The following ASXL2 variants were observed in gnomAD, a reference collection of about 807,000 sequenced individuals.
ASXL2 encodes ASXL transcriptional regulator 2, also known as putative Polycomb group protein ASXL2.
A neutral mutation model predicts 122.0 loss-of-function variants in ASXL2; 23 were observed. That is an observed-to-expected ratio of 0.19 (90% CI 0.14 to 0.27). The LOEUF (loss-of-function observed/expected upper bound fraction) is 0.27. Ranked by LOEUF, ASXL2 falls within the 10% of genes least tolerant of loss-of-function variation. ASXL2 has a pLI of 1.00. For missense variants in ASXL2, 1,518 were observed against 1,713.8 expected (o/e 0.89, Z 2.02); for synonymous variants, 650 against 637.0 (o/e 1.02, Z -0.31).
At chr2:25,844,733 G>A (rs752614540) in intron 2 of ASXL2, among the ~76,000 whole-genome samples, 1 of 151,032 alleles carries the variant, frequency 6.6e-6, no homozygotes, top group Non-Finnish European at 1.5e-5. Context: ...CTGCAGCCTC[G>A]AACTCCTGGA....
intron 5 of ASXL2, among the ~76,000 whole-genome samples, chr2:25,772,101 T>C (rs1574407927): frequency 6.6e-6 from 1 of 152,328 alleles, no homozygotes; most frequent in African/African-American, 2.4e-5. Context: ...ACTCTCTACT[T>C]CATCACTAGC....
At chr2:25,756,486 A>G (rs2088138391) in intron 9 of ASXL2, among the ~76,000 whole-genome samples, 1 of 151,672 alleles carries the variant, frequency 6.6e-6, no homozygotes, top group African/African-American at 2.4e-5. Flanking sequence ...GAAAAAAAAA[A>G]AAGAAGGATG....
At chr2:25,833,326 T>C (rs191279588) in intron 3 of ASXL2, among the ~76,000 whole-genome samples, 15 of 152,360 alleles carry the variant, frequency 9.8e-5, no homozygotes, top group African/African-American at 3.6e-4. Context: ...TGTTGTACTT[T>C]AATTTTCTAT....
chr2:25,768,766 T>G lies in ASXL2; in HGVS notation c.607A>C (p.Ser203Arg). 1 of 1,613,832 alleles carries G rather than the reference T, an allele frequency of 6.2e-7. No homozygotes were observed. The highest frequency in any genetic ancestry group is 8.5e-7 in the Non-Finnish European group (1 of 1,179,770). The change falls in exon 7 of 13, where the codon AGT (serine) becomes CGT (arginine). Residue 203 changes from serine to arginine, a missense_variant. Physicochemically the swap from Ser to Arg is moderately radical, Grantham distance 110. This residue lies in a region of ASXL2 where 198 missense variants were observed against 209.0 expected (regional missense o/e 0.95). Transcript: ENST00000435504. ...HLSLKTVKAA[S>R]DSVPAKPATW... Reference sequence around the variant, plus strand: ...CCAGGTTTGGCAGGTACAGAGTCACTGGCTGCTTTGACAGTCTTTAGTGAG... The same window carrying G: ...CCAGGTTTGGCAGGTACAGAGTCACGGGCTGCTTTGACAGTCTTTAGTGAG...
intron 2 of ASXL2, among the ~76,000 whole-genome samples, chr2:25,842,194 A>G (rs2089590932): frequency 6.6e-6 from 1 of 152,152 alleles, no homozygotes; most frequent in Admixed American, 6.5e-5. Flanking sequence ...AAGACCAGTA[A>G]GTCAACCAAA....
At chr2:25,863,418 C>A (rs553212905) in intron 1 of ASXL2, among the ~76,000 whole-genome samples, 2 of 152,006 alleles carry the variant, frequency 1.3e-5, no homozygotes, top group East Asian at 1.9e-4. Flanking sequence ...AGGGGCCAGG[C>A]ACAGTGGCTC....
chr2:25,778,786 A>G (rs1232965969), intron 5 of ASXL2, among the ~76,000 whole-genome samples: 2 of 152,202 alleles, frequency 1.3e-5, no homozygotes, highest in Non-Finnish European at 2.9e-5. Context: ...AAGTTGTCCC[A>G]GGCAAATCTT....
chr2:25,777,605 T>C (rs1284539000), intron 5 of ASXL2, among the ~76,000 whole-genome samples: 3 of 152,074 alleles, frequency 2.0e-5, no homozygotes, highest in African/African-American at 7.2e-5. Flanking sequence ...AAAAAGAGAC[T>C]TAAAGATTTA....
rs2087761251 is a variant in ASXL2 at position 25,737,880 on chromosome 2, A to T, written c.*4149T>A. On this transcript the variant is annotated 3_prime_UTR_variant, in exon 13 of 13. Transcript: ENST00000435504. Reference sequence around the variant, plus strand: ...TTCTCTGTACATACCCTCAATTCCAATGTTAACAATTCCTTTAAAAAGGCA... The same window carrying T: ...TTCTCTGTACATACCCTCAATTCCATTGTTAACAATTCCTTTAAAAAGGCA... 6.6e-6 allele frequency: 1 copy of T among 152,204 alleles called. No individual in the cohort carries two copies. Among genetic ancestry groups the T allele is most frequent in the African/African-American group, 2.4e-5 (1 of 41,444 alleles). 9.4% of individuals were successfully genotyped at this position (152,204 alleles called of 1,614,324 possible).
At chr2:25,842,790 GTGTATATA>G (rs766729120) in intron 2 of ASXL2, among the ~76,000 whole-genome samples, 6,186 of 112,620 alleles carry the variant, frequency 0.055, 201 homozygotes, top group African/African-American at 0.11. Flanking sequence ...GTGTGTGTGT[GTGTATATA>G]TATATATATA....
chr2:25,842,703 T>TATATATAG (rs1553704758), intron 2 of ASXL2, among the ~76,000 whole-genome samples: 10 of 150,270 alleles, frequency 6.7e-5, no homozygotes, highest in Middle Eastern at 3.4e-3. Flanking sequence ...TATATATATA[T>TATATATAG]ATAGATAGAT....
Position 25,749,682 on chromosome 2 carries a change from C to T in ASXL2, c.1860+14G>A. 1 of 1,499,928 alleles carries T rather than the reference C, an allele frequency of 6.7e-7. No individual in the cohort carries two copies. The highest frequency in any genetic ancestry group is 8.9e-7 in the Non-Finnish European group (1 of 1,126,376). 92.9% of individuals were successfully genotyped at this position (1,499,928 alleles called of 1,614,324 possible). Reference sequence around the variant, plus strand: ...AGACGATCTCTGCTTTTCTAATTCTCTCCATTCTCTTACCTTGAGAGGTGG... The same window carrying T: ...AGACGATCTCTGCTTTTCTAATTCTTTCCATTCTCTTACCTTGAGAGGTGG... On this transcript the variant is annotated intron_variant, in intron 12 of 12. Coordinates refer to ENST00000435504, the MANE Select transcript of ASXL2 (RefSeq NM_018263.6).
At chr2:25,758,961 C>CT (rs1025060934) in intron 9 of ASXL2, among the ~76,000 whole-genome samples, 213 of 146,488 alleles carry the variant, frequency 1.5e-3, no homozygotes, top group South Asian at 2.1e-3. Context: ...TTTATGTATT[C>CT]TTTTTTTTTT....
At chr2:25,835,075 C>G (rs553328719) in intron 3 of ASXL2, among the ~76,000 whole-genome samples, 3 of 144,958 alleles carry the variant, frequency 2.1e-5, no homozygotes, top group African/African-American at 7.9e-5. Flanking sequence ...CCACCCACCT[C>G]GGCCTCTCAA....
intron 2 of ASXL2, among the ~76,000 whole-genome samples, chr2:25,838,199 C>T (rs1459412974): frequency 6.6e-6 from 1 of 152,052 alleles, no homozygotes; most frequent in African/African-American, 2.4e-5. Flanking sequence ...ATATTTATTC[C>T]CCAAAAGGTG....
At position 25,734,874 on chromosome 2, in the gene ASXL2, CT is replaced by C. The variant is rs1473502499; in HGVS notation, c.*7154del. On this transcript the variant is annotated 3_prime_UTR_variant, in exon 13 of 13. Transcript: ENST00000435504. The stretch of plus-strand genomic sequence containing the variant: ...ACATTACATTAAGTGAATCTAAAAT[CT>C]TAAAAAGAAATCTCTCAAAAATGGA... The C allele has an allele frequency of 1.3e-5, 2 of 152,168 alleles. No individual in the cohort carries two copies. Among genetic ancestry groups the C allele is most frequent in the Admixed American group, 6.6e-5 (1 of 15,264 alleles). 9.4% of individuals were successfully genotyped at this position (152,168 alleles called of 1,614,324 possible). A position where few individuals can be genotyped will look rare whatever the true frequency, so the allele number is the denominator to read the frequency against.
chr2:25,851,141 C>A (rs2089712072), intron 1 of ASXL2, among the ~76,000 whole-genome samples: 1 of 147,468 alleles, frequency 6.8e-6, no homozygotes, highest in Admixed American at 6.8e-5. Flanking sequence ...AGCAAAACTC[C>A]TTCTCCAAAA....
intron 1 of ASXL2, among the ~76,000 whole-genome samples, chr2:25,848,644 A>G (rs2089679310): frequency 6.6e-6 from 1 of 151,760 alleles, no homozygotes; most frequent in South Asian, 2.1e-4. Flanking sequence ...AAACAAATAA[A>G]TAAATAAATA....
At chr2:25,789,092 A>G (rs1007440792) in intron 5 of ASXL2, among the ~76,000 whole-genome samples, 5 of 151,950 alleles carry the variant, frequency 3.3e-5, no homozygotes, top group Admixed American at 3.3e-4. Flanking sequence ...CCATCAACCT[A>G]CTATGATTTT....
Sources: allele counts gnomAD v4.1 joint callset (sites outside exome capture counted in the v4.1 genomes callset), GRCh38; gene constraint gnomAD v4.1.1; regional missense constraint gnomAD v4.1.1; transcripts MANE v1.5; gene names NCBI Gene and HGNC (gene_info 2026-07-23, HGNC 2026-07-21).